The following FHIT variants were observed in gnomAD, a reference collection of about 807,000 sequenced individuals.
FHIT encodes the protein bis(5'-adenosyl)-triphosphatase.
Under a neutral mutation model 17.9 loss-of-function variants are expected in FHIT, and 19 were observed. The ratio of observed to expected loss-of-function variants is 1.06; its 90% CI spans 0.74 to 1.56. The LOEUF (loss-of-function observed/expected upper bound fraction) is 1.56. FHIT is among the 40% of genes most tolerant of loss of function. The pLI, the probability that FHIT is intolerant of heterozygous loss-of-function variation, is 0.00. For missense variants in FHIT, 248 were observed against 189.2 expected, an observed-to-expected ratio of 1.31 and a Z score of -1.82; for synonymous variants, 81 against 69.7, an observed-to-expected ratio of 1.16 and a Z score of -0.81.
intron 2 of FHIT, among the ~76,000 whole-genome samples, chr3:61,143,642 G>T (rs982692823): frequency 1.3e-5 from 2 of 152,188 alleles, no homozygotes; most frequent in Admixed American, 6.5e-5. Context: ...GAGGCGGGTG[G>T]ATCACCTGAG....
intron 1 of FHIT, among the ~76,000 whole-genome samples, chr3:61,247,697 T>C (rs2040520919): frequency 6.6e-6 from 1 of 152,218 alleles, no homozygotes; most frequent in African/African-American, 2.4e-5. Flanking sequence ...ACAAATCCTT[T>C]TATAATATAA....
intron 8 of FHIT, among the ~76,000 whole-genome samples, chr3:59,806,670 ATGTGTATATATATG>A (rs1700213108): frequency 2.4e-4 from 2 of 8,500 alleles, no homozygotes; most frequent in African/African-American, 6.3e-4. Context: ...ATACATATAT[ATGTGTATATATATG>A]TATATACATA....
chr3:61,186,830 C>G (rs751133468), intron 2 of FHIT, among the ~76,000 whole-genome samples: 2 of 152,196 alleles, frequency 1.3e-5, no homozygotes, highest in Non-Finnish European at 2.9e-5. Flanking sequence ...ACTCTGAACT[C>G]TCTTCACCCA....
intron 4 of FHIT, among the ~76,000 whole-genome samples, chr3:60,595,149 A>T (rs2038222048): frequency 6.6e-6 from 1 of 152,122 alleles, no homozygotes; most frequent in Non-Finnish European, 1.5e-5. Context: ...AGATTGATTC[A>T]TCTGCATTAC....
intron 5 of FHIT, among the ~76,000 whole-genome samples, chr3:60,342,178 C>A (rs1341085054): frequency 6.6e-6 from 1 of 152,178 alleles, no homozygotes; most frequent in Non-Finnish European, 1.5e-5. Flanking sequence ...GTCAGAGATT[C>A]TCCAGGACCC....
chr3:60,860,077 T>A (rs1285011390), intron 3 of FHIT, among the ~76,000 whole-genome samples: 1 of 148,136 alleles, frequency 6.8e-6, no homozygotes, highest in African/African-American at 2.5e-5. Context: ...ATGATATATC[T>A]GATATATGAT....
chr3:59,822,505 G>A (rs1700831398), intron 8 of FHIT, among the ~76,000 whole-genome samples: 1 of 151,966 alleles, frequency 6.6e-6, no homozygotes, highest in Non-Finnish European at 1.5e-5. Flanking sequence ...GCAGGAGTAA[G>A]GTAGTATCAT....
In FHIT at chr3:60,886,218, A is replaced by AT. The variant is rs1484173523; in HGVS notation, c.-110-64208dup. Among the ~76,000 whole-genome samples, 3 of 152,260 alleles carry AT rather than the reference A, an allele frequency of 2.0e-5. No homozygotes were observed. The East Asian group carries it at 5.8e-4, about 29-fold the overall frequency. ...GGGTTAATACCATGAATGGCTAAAA[A>AT]TAGGCCAATTGCCAAGCAGAGCACA... is the stretch of plus-strand genomic sequence containing the variant. On this transcript the variant is annotated intron_variant, in intron 3 of 9. Coordinates refer to ENST00000492590, the MANE Select transcript of FHIT (RefSeq NM_002012.4).
rs367937476 is a variant in FHIT, at chr3:60,476,763, C to G, written c.103+60097G>C. On this transcript the variant is annotated intron_variant, in intron 5 of 9. Transcript: ENST00000492590. ...AGCTGACCATTTATAAGGCGCAGAA[C>G]GGGAATGTGAAAACTCAGCTTCTGG... is the stretch of plus-strand genomic sequence containing the variant. Among the ~76,000 whole-genome samples, 11 of 151,992 alleles carry G rather than the reference C, an allele frequency of 7.2e-5. No homozygotes were observed. The East Asian group carries it at 9.7e-4, about 13-fold the overall frequency.
rs146364506 is a variant in FHIT at position 60,275,628 on chromosome 3, T to TAC, written c.103+261230_103+261231dup. On this transcript the variant is annotated intron_variant, in intron 5 of 9. Transcript: ENST00000492590. ...ACAGATGTTGTCTTAGTCAATGCCA[T>TAC]ACACACACACACACACACACCTGTG... Among the ~76,000 whole-genome samples the TAC allele has an allele frequency of 5.5e-3, 829 of 149,782 alleles. 7 individuals are homozygous for TAC. The highest frequency in any genetic ancestry group is 0.012 in the African/African-American group (498 of 40,966).
chr3:60,534,974 G>T (rs1296900021), intron 5 of FHIT, among the ~76,000 whole-genome samples: 1 of 152,134 alleles, frequency 6.6e-6, no homozygotes, highest in East Asian at 1.9e-4. Context: ...TTACTCTCAA[G>T]ATATGAGTAA....
At chr3:60,397,132 C>T (rs1701477421) in intron 5 of FHIT, among the ~76,000 whole-genome samples, 1 of 152,160 alleles carries the variant, frequency 6.6e-6, no homozygotes, top group Non-Finnish European at 1.5e-5. Flanking sequence ...AGGTAGTATT[C>T]TCTCTACTCA....
chr3:60,599,966 G>A (rs2038391200), intron 4 of FHIT, among the ~76,000 whole-genome samples: 2 of 152,054 alleles, frequency 1.3e-5, no homozygotes, highest in African/African-American at 4.8e-5. Flanking sequence ...CTCCTTCCCA[G>A]TAGTGACAAC....
chr3:59,966,159 G>C (rs1202403668), intron 7 of FHIT, among the ~76,000 whole-genome samples: 1 of 152,184 alleles, frequency 6.6e-6, no homozygotes, highest in Non-Finnish European at 1.5e-5. Flanking sequence ...ACAAAGCAGA[G>C]GTATTCAAAC....
chr3:60,714,445 A>G (rs1485771282), intron 4 of FHIT, among the ~76,000 whole-genome samples: 28 of 152,192 alleles, frequency 1.8e-4, no homozygotes, highest in African/African-American at 6.5e-4. Flanking sequence ...GCAATTAGGC[A>G]GGAGGAGGAA....
chr3:60,860,241 G>T (rs1410315222), intron 3 of FHIT, among the ~76,000 whole-genome samples: 2 of 82,458 alleles, frequency 2.4e-5, no homozygotes, highest in Non-Finnish European at 5.2e-5. Flanking sequence ...TGTATATATG[G>T]TATACATGAG....
chr3:60,504,921 C>T (rs1034471213), intron 5 of FHIT, among the ~76,000 whole-genome samples: 1 of 152,080 alleles, frequency 6.6e-6, no homozygotes, highest in Non-Finnish European at 1.5e-5. Flanking sequence ...AAATTCTGAC[C>T]TTTAAGTTCA....
intron 7 of FHIT, among the ~76,000 whole-genome samples, chr3:59,964,997 T>C (rs1707856158): frequency 6.6e-6 from 1 of 152,132 alleles, no homozygotes. Flanking sequence ...CAAAGTCTTA[T>C]TCAAGGGAAA....
intron 5 of FHIT, among the ~76,000 whole-genome samples, chr3:60,436,467 G>C (rs1316116290): frequency 2.0e-5 from 3 of 152,002 alleles, no homozygotes; most frequent in Non-Finnish European, 2.9e-5. Context: ...ACTGTCCTAG[G>C]TGCTGAGGAC....
Sources: gnomAD v4.1 joint callset for allele counts (sites outside exome capture counted in the v4.1 genomes callset) on GRCh38, gnomAD v4.1.1 for gene constraint, MANE v1.5 for transcripts, NCBI Gene and HGNC (gene_info 2026-07-23, HGNC 2026-07-21) for gene names.